The following ZC3H18 variants were observed in gnomAD, a reference collection of about 807,000 sequenced individuals.
ZC3H18 encodes the protein zinc finger CCCH domain-containing protein 18.
ZC3H18 carries 8 observed loss-of-function variants against 106.1 expected under a neutral mutation model. The ratio of observed to expected loss-of-function variants is 0.08; its 90% CI spans 0.04 to 0.14. The LOEUF is 0.14. Among genes scored for constraint, ZC3H18 ranks in the 10% least tolerant of loss-of-function variants. The pLI is 1.00. For missense variants in ZC3H18, 1,318 were observed against 1,278.4 expected (o/e 1.03, Z -0.47); for synonymous variants, 635 against 522.1 (o/e 1.22, Z -2.95).
At chr16:88,629,081 A>G (rs930432000) in intron 16 of ZC3H18, among the ~76,000 whole-genome samples, 6 of 152,202 alleles carry the variant, frequency 3.9e-5, no homozygotes, top group Non-Finnish European at 8.8e-5. Context: ...GCTCACGCCT[A>G]TAATCCCAGC....
chr16:88,577,529 G>C lies in ZC3H18; in HGVS notation c.406G>C (p.Glu136Gln). 6.2e-7 allele frequency: 1 copy of C among 1,613,308 alleles called. No individual in the cohort carries two copies. Among genetic ancestry groups the C allele is most frequent in the Non-Finnish European group, 8.5e-7 (1 of 1,179,884 alleles). ...HELDYDEEVP[E>Q]EPAPAVQEDE... ...GCTAGACTACGATGAGGAGGTTCCT[G>C]AGGAGCCAGCTCCCGCCGTCCAGGA... Residue 136 changes from glutamate (E) to glutamine (Q), a missense_variant, in exon 2 of 18, where the codon GAG becomes CAG. Glu to Gln is a conservative substitution (Grantham distance 29). Coordinates refer to ENST00000301011, the MANE Select transcript of ZC3H18 (RefSeq NM_144604.4).
At chr16:88,623,813 G>C in intron 10 of ZC3H18, 145 bp from the exon 11 acceptor site, 1 of 1,390,842 alleles carries the variant, frequency 7.2e-7, no homozygotes, top group Non-Finnish European at 9.5e-7. Context: ...GCAGATGACA[G>C]AACAGTCCAG....
intron 8 of ZC3H18, among the ~76,000 whole-genome samples, chr16:88,621,189 C>T (rs962380188): frequency 2.6e-5 from 4 of 152,004 alleles, no homozygotes; most frequent in Non-Finnish European, 2.9e-5. Flanking sequence ...GGATTACAGG[C>T]GCCCGCCACC....
At chr16:88,594,205 A>G (rs1449716865) in intron 3 of ZC3H18, among the ~76,000 whole-genome samples, 2 of 152,168 alleles carry the variant, frequency 1.3e-5, no homozygotes, top group Admixed American at 1.3e-4. Flanking sequence ...GATTCGCAAA[A>G]AGGCAAAGAA....
rs529387142 is a variant in ZC3H18 at position 88,611,312 on chromosome 16, C to CGAGCGG, written c.1266_1271dup (p.Glu422_Arg423dup). On this transcript the variant is annotated inframe_insertion, in exon 8 of 18. Coordinates refer to ENST00000301011, the MANE Select transcript of ZC3H18 (RefSeq NM_144604.4). The stretch of plus-strand genomic sequence containing the variant: ...AGAGAGAGAACAGACAGCGCGAGCG[C>CGAGCGG]GAGCGGGAGCGGGAGCGGGACCGAG... 6.4e-5 allele frequency: 47 copies of CGAGCGG among 738,090 alleles called. 2 individuals carry two copies. The highest frequency in any genetic ancestry group is 2.5e-4 in the Middle Eastern group (1 of 3,996). 45.7% of individuals were successfully genotyped at this position (738,090 alleles called of 1,614,324 possible). A position where few individuals can be genotyped will look rare whatever the true frequency, so the allele number is the denominator to read the frequency against.
intron 8 of ZC3H18, among the ~76,000 whole-genome samples, chr16:88,616,951 A>AC (rs1339277612): frequency 6.6e-6 from 1 of 152,008 alleles, no homozygotes; most frequent in African/African-American, 2.4e-5. Context: ...GCACTTCACC[A>AC]CCCCAAGCTT....
intron 1 of ZC3H18, among the ~76,000 whole-genome samples, chr16:88,574,280 G>A (rs967343715): frequency 2.0e-5 from 3 of 151,906 alleles, no homozygotes; most frequent in African/African-American, 4.8e-5. Flanking sequence ...TGTGATCTCG[G>A]CTCACTGCAA....
chr16:88,604,964 G>A (rs1218615173), intron 6 of ZC3H18, among the ~76,000 whole-genome samples: 1 of 152,204 alleles, frequency 6.6e-6, no homozygotes, highest in South Asian at 2.1e-4. Flanking sequence ...GTGCAGTGCC[G>A]GTGTATTAGA....
intron 5 of ZC3H18, among the ~76,000 whole-genome samples, chr16:88,599,019 C>T (rs986728299): frequency 3.9e-5 from 6 of 152,124 alleles, no homozygotes; most frequent in African/African-American, 7.2e-5. Flanking sequence ...CCACCAGGCC[C>T]GGAAGGATGG....
In ZC3H18 at chr16:88,627,518, T is replaced by C. The variant is rs1471883550; in HGVS notation, c.2109-104T>C. 3.4e-6 allele frequency: 5 copies of C among 1,454,546 alleles called. No individual in the cohort carries two copies. In the African/African-American group the frequency reaches 4.2e-5, roughly 12 times the overall value. The allele number at this position is 1,454,546 out of a possible 1,614,324, so 90.1% of individuals were successfully genotyped here. A position where few individuals can be genotyped will look rare whatever the true frequency, so the allele number is the denominator to read the frequency against. On this transcript the variant is annotated intron_variant, in intron 13 of 17. Coordinates refer to ENST00000301011, the MANE Select transcript of ZC3H18 (RefSeq NM_144604.4). This position sits in a 1 kb window ranked among gnomAD's most constrained non-coding sequence, Gnocchi z 4.5. ...CAAAATCACACATTCCGTGGGTACA[T>C]GATCCATAAATGGACACTGCGTAAA... is the stretch of plus-strand genomic sequence containing the variant.
At position 88,627,884 on chromosome 16, in the gene ZC3H18, C is replaced by T. The variant is rs1906413923; in HGVS notation, c.2270-36C>T. ...TGTTGGTGTGGCCATGGGAAAATCA[C>T]CAGTACCCCCATGACTGCGGATTTA... On this transcript the variant is annotated intron_variant, in intron 14 of 17. Coordinates refer to ENST00000301011, the MANE Select transcript of ZC3H18 (RefSeq NM_144604.4). This position sits in a 1 kb window ranked among gnomAD's most constrained non-coding sequence, Gnocchi z 4.5. The T allele has an allele frequency of 1.9e-6, 3 of 1,613,494 alleles. No individual in the cohort carries two copies. Among genetic ancestry groups the T allele is most frequent in the Middle Eastern group, 1.6e-4 (1 of 6,062 alleles).
chr16:88,630,928 C>T (rs1200891237), intron 17 of ZC3H18, among the ~76,000 whole-genome samples, 173 bp from the exon 18 acceptor site: 1 of 152,328 alleles, frequency 6.6e-6, no homozygotes, highest in East Asian at 1.9e-4. Context: ...GCCCGGGAGC[C>T]AGTGGCTAGG....
intron 5 of ZC3H18, 33 bp downstream of exon 5, chr16:88,598,745 A>C: frequency 6.3e-7 from 1 of 1,580,126 alleles, no homozygotes; most frequent in South Asian, 1.1e-5. Flanking sequence ...CCCGACAAGA[A>C]AGATGCTATT....
Position 88,577,752 on chromosome 16 carries a change from C to T in ZC3H18, c.603+26C>T, listed in dbSNP as rs202105113. The T allele has an allele frequency of 4.0e-4, 648 of 1,612,288 alleles. 1 individual carries two copies. The highest frequency in any genetic ancestry group is 4.9e-4 in the Non-Finnish European group (581 of 1,179,966). On this transcript the variant is annotated intron_variant, in intron 2 of 17. Transcript: ENST00000301011. ...GTGAGTATGATGGAGCAGAGCGTCG[C>T]GGGGCATCCTGCCCAGCAGCCTGAC... is the stretch of plus-strand genomic sequence containing the variant.
At chr16:88,589,682 G>C (rs1008188631) in intron 3 of ZC3H18, among the ~76,000 whole-genome samples, 2 of 151,576 alleles carry the variant, frequency 1.3e-5, no homozygotes, top group African/African-American at 4.8e-5. Context: ...ACAGAAAGTA[G>C]ATTGTGACTC....
At chr16:88,625,761 A>T (rs968752758) in intron 13 of ZC3H18, 3 of 157,524 alleles carry the variant, frequency 1.9e-5, no homozygotes. Flanking sequence ...GCACCGTGGG[A>T]GGCCAAGGCA....
At chr16:88,575,840 A>C (rs550502086) in intron 1 of ZC3H18, among the ~76,000 whole-genome samples, 3 of 151,970 alleles carry the variant, frequency 2.0e-5, no homozygotes, top group South Asian at 4.2e-4. Context: ...CAGACTCCCA[A>C]GTAGCTGGGA....
In ZC3H18 at chr16:88,627,504, A is replaced by G; in HGVS notation, c.2109-118A>G. ...GCCCAGTGTCCCCCCAAAATCACACATTCCGTGGGTACATGATCCATAAAT... is the reference window on the plus strand; with the variant it reads ...GCCCAGTGTCCCCCCAAAATCACACGTTCCGTGGGTACATGATCCATAAAT... On this transcript the variant is annotated intron_variant, in intron 13 of 17. Coordinates refer to ENST00000301011, the MANE Select transcript of ZC3H18 (RefSeq NM_144604.4). The surrounding 1 kb of genome is among the most constrained non-coding windows in gnomAD (Gnocchi z 4.5). The G allele has an allele frequency of 7.2e-7, 1 of 1,386,134 alleles. No homozygotes were observed. Among genetic ancestry groups the G allele is most frequent in the East Asian group, 2.3e-5 (1 of 42,556 alleles). 85.9% of individuals were successfully genotyped at this position (1,386,134 alleles called of 1,614,324 possible).
At chr16:88,621,673 A>G (rs1905971774) in intron 8 of ZC3H18, among the ~76,000 whole-genome samples, 1 of 151,956 alleles carries the variant, frequency 6.6e-6, no homozygotes, top group African/African-American at 2.4e-5. Context: ...TGTATTTTTA[A>G]TAGAGACAGG....
Sources: allele counts gnomAD v4.1 joint callset (sites outside exome capture counted in the v4.1 genomes callset), GRCh38; gene constraint gnomAD v4.1.1; non-coding constraint Gnocchi (gnomAD v3.1); transcripts MANE v1.5; gene names NCBI Gene and HGNC (gene_info 2026-07-23, HGNC 2026-07-21).